Variants in GALNT13 observed in about 807,000 individuals in gnomAD.
The protein encoded by GALNT13 is polypeptide N-acetylgalactosaminyltransferase 13, also known as UDP-GalNAc:polypeptide N-acetylgalactosaminyltransferase 13.
Under a neutral mutation model 64.2 loss-of-function variants are expected in GALNT13, and 28 were observed. The observed-to-expected ratio is 0.44, with a 90% confidence interval of 0.32 to 0.60. The LOEUF (loss-of-function observed/expected upper bound fraction) is 0.60. Ranked by LOEUF, GALNT13 falls within the 20% of genes least tolerant of loss-of-function variation. GALNT13 has a pLI of 0.05. For missense variants in GALNT13, 577 were observed against 669.8 expected (o/e 0.86, Z 1.53); for synonymous variants, 214 against 224.6 (o/e 0.95, Z 0.42).
chr2:153,394,094 G>C, the GALNT13 span, among the ~76,000 whole-genome samples: 3 of 151,934 alleles, frequency 2.0e-5, no homozygotes, highest in African/African-American at 7.2e-5. Context: ...TTGGTTCCAA[G>C]TGGAAGCTTC....
the GALNT13 span, among the ~76,000 whole-genome samples, chr2:153,705,850 A>G: frequency 2.0e-5 from 3 of 152,306 alleles, no homozygotes; most frequent in East Asian, 5.8e-4. Flanking sequence ...ATTGAGAACC[A>G]TATGCAGGTA....
At chr2:153,955,173 G>C (rs372462262) in intron 3 of GALNT13, among the ~76,000 whole-genome samples, 1 of 152,096 alleles carries the variant, frequency 6.6e-6, no homozygotes, top group Admixed American at 6.6e-5. Context: ...AGAAAAAATA[G>C]TTAAAAATTG....
chr2:153,129,644 G>T, the GALNT13 span, among the ~76,000 whole-genome samples: 3 of 152,088 alleles, frequency 2.0e-5, no homozygotes, highest in Admixed American at 6.5e-5. Flanking sequence ...ATGATGGCAT[G>T]CATCTGTAGT....
chr2:154,355,354 C>G (rs916595103), intron 9 of GALNT13, among the ~76,000 whole-genome samples: 2 of 152,038 alleles, frequency 1.3e-5, no homozygotes, highest in Admixed American at 1.3e-4. Flanking sequence ...TATCTTTGAC[C>G]TACAAAAACA....
chr2:153,448,800 A>G, the GALNT13 span, among the ~76,000 whole-genome samples: 3 of 152,156 alleles, frequency 2.0e-5, no homozygotes, highest in African/African-American at 7.2e-5. Flanking sequence ...AGGCAGTGCC[A>G]TGGAATGAAT....
chr2:153,786,936 G>A, the GALNT13 span, among the ~76,000 whole-genome samples: 2 of 152,076 alleles, frequency 1.3e-5, no homozygotes, highest in Admixed American at 1.3e-4. Flanking sequence ...GCAGGGAACC[G>A]CTGGCTCGGG....
the GALNT13 span, among the ~76,000 whole-genome samples, chr2:153,251,921 C>A: frequency 6.6e-6 from 1 of 151,850 alleles, no homozygotes; most frequent in Non-Finnish European, 1.5e-5. Flanking sequence ...AATAATGCCG[C>A]AATAAACATA....
chr2:153,745,679 G>A, the GALNT13 span, among the ~76,000 whole-genome samples: 1 of 152,202 alleles, frequency 6.6e-6, no homozygotes, highest in East Asian at 1.9e-4. Context: ...GTTAACATAG[G>A]CCAAAATATC....
At chr2:153,726,166 C>G in the GALNT13 span, among the ~76,000 whole-genome samples, 1 of 151,998 alleles carries the variant, frequency 6.6e-6, no homozygotes, top group Admixed American at 6.6e-5. Flanking sequence ...CATGCATATA[C>G]AGAAAAATTA....
At chr2:153,762,265 G>GT in the GALNT13 span, 2 of 152,018 alleles carry the variant, frequency 1.3e-5, no homozygotes, top group Non-Finnish European at 2.9e-5. Context: ...TTACATTCTT[G>GT]TGAAGTACCA....
At chr2:153,549,703 A>G in the GALNT13 span, among the ~76,000 whole-genome samples, 1 of 152,182 alleles carries the variant, frequency 6.6e-6, no homozygotes, top group East Asian at 1.9e-4. Flanking sequence ...TTGCCTACCC[A>G]TGGGCTCCTG....
At chr2:154,276,875 C>A (rs1043040263) in intron 8 of GALNT13, among the ~76,000 whole-genome samples, 36 of 152,308 alleles carry the variant, frequency 2.4e-4, no homozygotes, top group African/African-American at 8.2e-4. Flanking sequence ...GTGCTTCTTG[C>A]TGCTACCATG....
At chr2:154,056,063 C>T (rs1699878442) in intron 3 of GALNT13, among the ~76,000 whole-genome samples, 1 of 151,932 alleles carries the variant, frequency 6.6e-6, no homozygotes, top group South Asian at 2.1e-4. Flanking sequence ...AAGACAAAAG[C>T]TTAGGTAAGA....
At chr2:154,353,228 A>G (rs1193625329) in intron 9 of GALNT13, among the ~76,000 whole-genome samples, 2 of 152,206 alleles carry the variant, frequency 1.3e-5, no homozygotes, top group Non-Finnish European at 2.9e-5. Flanking sequence ...ATCTCTCTAT[A>G]TTCATGGAAC....
At chr2:154,076,699 T>C (rs1701006885) in intron 3 of GALNT13, among the ~76,000 whole-genome samples, 1 of 151,700 alleles carries the variant, frequency 6.6e-6, no homozygotes. Flanking sequence ...TAACTAGTTT[T>C]AACCTGGGAT....
chr2:153,993,886 T>G, intron 3 of GALNT13, among the ~76,000 whole-genome samples: 1 of 152,146 alleles, frequency 6.6e-6, no homozygotes, highest in East Asian at 1.9e-4. Flanking sequence ...TTAACTCTTG[T>G]ATATTCAACA....
At chr2:153,712,979 TCCAA>T in the GALNT13 span, among the ~76,000 whole-genome samples, 1 of 151,978 alleles carries the variant, frequency 6.6e-6, no homozygotes, top group Non-Finnish European at 1.5e-5. Flanking sequence ...ATAAGTGGAG[TCCAA>T]CCAAGTAAGC....
At chr2:154,454,066 G>A (rs1410145788), downstream of GALNT13, among the ~76,000 whole-genome samples, 1 of 152,062 alleles carries the variant, frequency 6.6e-6, no homozygotes, top group Non-Finnish European at 1.5e-5. Flanking sequence ...GACTTTCAGA[G>A]GAGAGATATC....
chr2:153,377,090 G>A, the GALNT13 span, among the ~76,000 whole-genome samples: 1 of 152,114 alleles, frequency 6.6e-6, no homozygotes, highest in Admixed American at 6.6e-5. Context: ...CTAATTCAAT[G>A]TAACTGATGT....
Sources: allele counts gnomAD v4.1 joint callset (sites outside exome capture counted in the v4.1 genomes callset), GRCh38; gene constraint gnomAD v4.1.1; transcripts MANE v1.5; gene names NCBI Gene and HGNC (gene_info 2026-07-23, HGNC 2026-07-21).